The following ACSF2 variants were observed in gnomAD, a reference collection of about 807,000 sequenced individuals.
The protein encoded by ACSF2 is acyl-CoA synthetase family member 2.
In ACSF2, 52 loss-of-function variants were observed where a neutral mutation model predicts 79.3. The observed-to-expected ratio is 0.66, with a 90% CI of 0.53 to 0.83. ACSF2 has a LOEUF of 0.83. Ranked by LOEUF, ACSF2 falls within the 40% of genes least tolerant of loss-of-function variation. The pLI is 0.00. For synonymous variants in ACSF2, 283 were observed against 312.6 expected, an observed-to-expected ratio of 0.91 and a Z score of 1.00; for missense variants, 661 against 803.3, an observed-to-expected ratio of 0.82 and a Z score of 2.14.
chr17:50,451,409 A>C (rs1409148926), intron 1 of ACSF2, among the ~76,000 whole-genome samples: 5 of 152,194 alleles, frequency 3.3e-5, no homozygotes, highest in Non-Finnish European at 7.3e-5. Context: ...TAAGGATTAC[A>C]GTGTCCTCAC....
intron 10 of ACSF2, chr17:50,464,776 G>GT (rs981349920): frequency 9.0e-6 from 3 of 332,354 alleles, no homozygotes; most frequent in South Asian, 2.2e-5. Context: ...ACTTGGGGGG[G>GT]GGGTCTCAGC....
chr17:50,473,704 C>T lies in ACSF2; in HGVS notation c.1515C>T (p.Ile505=), dbSNP rs891864595. The change falls in exon 13 of 16, where the codon ATC becomes ATT. Residue 505 remains isoleucine, a synonymous_variant. Coordinates refer to ENST00000300441, the MANE Select transcript of ACSF2 (RefSeq NM_025149.6). ...TGAATGAGCAGGGCTTCTGCAAGATCGTGGGCCGCTCTAAGGATATGATCA... is the reference window on the plus strand; with the variant it reads ...TGAATGAGCAGGGCTTCTGCAAGATTGTGGGCCGCTCTAAGGATATGATCA... The part of the protein sequence containing the change: ...ATMNEQGFCK[I]VGRSKDMIIR... 12 of 1,614,086 alleles carry T rather than the reference C, an allele frequency of 7.4e-6. No homozygotes were observed. Among genetic ancestry groups the T allele is most frequent in the Middle Eastern group, 1.6e-4 (1 of 6,084 alleles).
intron 1 of ACSF2, among the ~76,000 whole-genome samples, chr17:50,446,739 A>G (rs987264266): frequency 3.9e-5 from 6 of 152,228 alleles, no homozygotes. Flanking sequence ...TTTTGTACGT[A>G]TAAATGGAAT....
intron 10 of ACSF2, chr17:50,464,659 G>A: frequency 2.1e-6 from 1 of 475,364 alleles, no homozygotes; most frequent in Non-Finnish European, 4.2e-6. Context: ...CAAGGGGTGG[G>A]GCAAGGATCT....
chr17:50,448,247 T>A (rs150136070), intron 1 of ACSF2, among the ~76,000 whole-genome samples: 1 of 152,348 alleles, frequency 6.6e-6, no homozygotes, highest in Non-Finnish European at 1.5e-5. Context: ...GTCGTGTATG[T>A]GAACATATCT....
chr17:50,461,113 T>G (rs1221644990), intron 2 of ACSF2, 129 bp from the exon 3 acceptor site: 1 of 1,431,920 alleles, frequency 7.0e-7, no homozygotes, highest in African/African-American at 1.4e-5. Flanking sequence ...CCACTGAGGC[T>G]GGGAATCTGC....
intron 1 of ACSF2, among the ~76,000 whole-genome samples, chr17:50,428,363 C>A (rs1439216869): frequency 1.3e-5 from 2 of 151,994 alleles, no homozygotes; most frequent in African/African-American, 4.8e-5. Context: ...GCCTGTAATA[C>A]CAGCTACTAG....
rs373184581 is a variant in ACSF2, at chr17:50,473,811, G to A, written c.1617+5G>A. On this transcript the variant is annotated splice_donor_5th_base_variant and intron_variant, in intron 13 of 15. Coordinates refer to ENST00000300441, the MANE Select transcript of ACSF2 (RefSeq NM_025149.6). Reference sequence around the variant, plus strand: ...CCGAAGGTGCAGGAAGTGCAGGTGAGGCACTTGGCTCAGGTGAGCCCCCAG... The same window carrying A: ...CCGAAGGTGCAGGAAGTGCAGGTGAAGCACTTGGCTCAGGTGAGCCCCCAG... The A allele has an allele frequency of 6.2e-7, 1 of 1,614,082 alleles. No individual in the cohort carries two copies. Among genetic ancestry groups the A allele is most frequent in the African/African-American group, 1.3e-5 (1 of 74,948 alleles).
intron 11 of ACSF2, chr17:50,472,225 C>T: frequency 1.8e-6 from 1 of 562,366 alleles, no homozygotes; most frequent in Non-Finnish European, 3.0e-6. Flanking sequence ...TTCTTTCATG[C>T]CCAGCTCAGG....
chr17:50,463,594 C>T lies in ACSF2; in HGVS notation c.1046+42C>T. 6.2e-7 allele frequency: 1 copy of T among 1,602,882 alleles called. No individual in the cohort carries two copies. The highest frequency in any genetic ancestry group is 8.5e-7 in the Non-Finnish European group (1 of 1,173,556). ...AGGCTACTTGTGGGCTGATAAAACCCTCTTCTTCCTCACTCCTGGGCCCTG... is the reference window on the plus strand; with the variant it reads ...AGGCTACTTGTGGGCTGATAAAACCTTCTTCTTCCTCACTCCTGGGCCCTG... On this transcript the variant is annotated intron_variant, in intron 8 of 15. Transcript: ENST00000300441. The surrounding 1 kb of genome is among the most constrained non-coding windows in gnomAD (Gnocchi z 4.6).
chr17:50,451,470 A>T (rs1176750128), intron 1 of ACSF2, among the ~76,000 whole-genome samples: 2 of 151,974 alleles, frequency 1.3e-5, no homozygotes, highest in Admixed American at 1.3e-4. Context: ...TTTTTTTGAG[A>T]CAGAGTTTTG....
In ACSF2 at chr17:50,473,568, A is replaced by G. The variant is rs964514925; in HGVS notation, c.1476-97A>G. Reference sequence around the variant, plus strand: ...GTCTCCCAGAGTCTAGAGCAGTGGAAGACACATAGTAGCTGGTCAATAAAT... The same window carrying G: ...GTCTCCCAGAGTCTAGAGCAGTGGAGGACACATAGTAGCTGGTCAATAAAT... On this transcript the variant is annotated intron_variant, in intron 12 of 15. Transcript: ENST00000300441. 9.7e-6 allele frequency: 15 copies of G among 1,544,778 alleles called. No individual in the cohort carries two copies. In the South Asian group the frequency reaches 1.7e-4, roughly 18 times the overall value.
chr17:50,460,665 C>A lies in ACSF2; in HGVS notation c.129-12C>A, dbSNP rs779726036. 6.2e-7 allele frequency: 1 copy of A among 1,605,540 alleles called. No homozygotes were observed. The highest frequency in any genetic ancestry group is 2.2e-5 in the East Asian group (1 of 44,708). On this transcript the variant is annotated splice_polypyrimidine_tract_variant and intron_variant, in intron 1 of 15. Transcript: ENST00000300441. ...TCTGGGACAGTCAAACCCATAGCTC[C>A]TCTCCCTACAGTTCCAGAGAGGTGG...
chr17:50,473,724 T>C lies in ACSF2; in HGVS notation c.1535T>C (p.Met512Thr), dbSNP rs2033220440. ...AAGATCGTGGGCCGCTCTAAGGATA[T>C]GATCATCCGGGGTGGTGAGAACATC... ...FCKIVGRSKD[M>T]IIRGGENIYP... is the part of the protein sequence containing the mutation. The change falls in exon 13 of 16, where the codon ATG (methionine) becomes ACG (threonine). Residue 512 changes from methionine (M) to threonine (T), a missense_variant. Coordinates refer to ENST00000300441, the MANE Select transcript of ACSF2 (RefSeq NM_025149.6). The C allele has an allele frequency of 1.2e-6, 2 of 1,614,226 alleles. No individual in the cohort carries two copies. Among genetic ancestry groups the C allele is most frequent in the Non-Finnish European group, 1.7e-6 (2 of 1,180,044 alleles).
At chr17:50,437,438 C>A (rs138896478) in intron 1 of ACSF2, among the ~76,000 whole-genome samples, 387 of 152,228 alleles carry the variant, frequency 2.5e-3, no homozygotes, top group Non-Finnish European at 4.0e-3. Flanking sequence ...TTGCTTGAGG[C>A]CAGGAGTTTG....
chr17:50,468,758 G>A (rs751604265), intron 10 of ACSF2: 1 of 1,594,240 alleles, frequency 6.3e-7, no homozygotes, highest in Non-Finnish European at 8.5e-7. Flanking sequence ...GGCGGCCAGC[G>A]CCGGCAGCAG....
At chr17:50,464,798 C>T (rs1442021481) in intron 10 of ACSF2, 14 of 340,366 alleles carry the variant, frequency 4.1e-5, no homozygotes, top group Non-Finnish European at 6.9e-5. Flanking sequence ...ACAGCTTCTC[C>T]AAGAGGAGCT....
At chr17:50,429,587 T>C (rs1048772933) in intron 1 of ACSF2, among the ~76,000 whole-genome samples, 2 of 151,940 alleles carry the variant, frequency 1.3e-5, no homozygotes, top group African/African-American at 2.4e-5. Context: ...TGGCATGATC[T>C]CAGGTCACTG....
chr17:50,453,112 C>A (rs750905394), intron 1 of ACSF2, among the ~76,000 whole-genome samples: 12 of 152,234 alleles, frequency 7.9e-5, no homozygotes, highest in African/African-American at 2.6e-4. Flanking sequence ...GCTCCTGGCT[C>A]GGGTGTTCAT....
Sources: allele counts gnomAD v4.1 joint callset (sites outside exome capture counted in the v4.1 genomes callset), GRCh38; gene constraint gnomAD v4.1.1; non-coding constraint Gnocchi (gnomAD v3.1); transcripts MANE v1.5; gene names NCBI Gene and HGNC (gene_info 2026-07-23, HGNC 2026-07-21).